TMTC1: variants seen among roughly 807,000 people sequenced by gnomAD.
TMTC1 encodes the protein protein O-mannosyl-transferase TMTC1.
Under a neutral mutation model 104.8 loss-of-function variants are expected in TMTC1, and 73 were observed. That is an observed-to-expected ratio of 0.70 (90% CI 0.58 to 0.85). The LOEUF is 0.85. Ranked by LOEUF, TMTC1 falls within the 40% of genes least tolerant of loss-of-function variation. The pLI, the probability that TMTC1 is intolerant of heterozygous loss-of-function variation, is 0.00. For missense variants in TMTC1, 1,035 were observed against 1,096.1 expected, an observed-to-expected ratio of 0.94 and a Z score of 0.79; for synonymous variants, 434 against 428.7, an observed-to-expected ratio of 1.01 and a Z score of -0.15.
chr12:29,669,112 C>T (rs1940403610), intron 5 of TMTC1, among the ~76,000 whole-genome samples: 1 of 58,696 alleles, frequency 1.7e-5, no homozygotes, highest in Non-Finnish European at 2.8e-5. Flanking sequence ...TGAGGATGCT[C>T]CAAGTGACAA....
chr12:29,542,335 C>G (rs138584139), intron 10 of TMTC1, among the ~76,000 whole-genome samples: 2 of 152,232 alleles, frequency 1.3e-5, no homozygotes, highest in East Asian at 3.9e-4. Context: ...ACTGATGGAA[C>G]TCTTGGGGAT....
intron 5 of TMTC1, among the ~76,000 whole-genome samples, chr12:29,669,139 A>G (rs1190635358): frequency 6.6e-6 from 1 of 152,158 alleles, no homozygotes; most frequent in Non-Finnish European, 1.5e-5. Flanking sequence ...CTGACACCTG[A>G]GGAAGATGAG....
intron 5 of TMTC1, among the ~76,000 whole-genome samples, chr12:29,663,509 G>C (rs1260974162): frequency 6.6e-6 from 1 of 151,872 alleles, no homozygotes; most frequent in East Asian, 1.9e-4. Flanking sequence ...GATATTTTTA[G>C]GTAAATTTTC....
chr12:29,602,021 A>G (rs746051557), intron 7 of TMTC1, among the ~76,000 whole-genome samples: 4 of 151,732 alleles, frequency 2.6e-5, no homozygotes, highest in Non-Finnish European at 5.9e-5. Flanking sequence ...TTTTTAGTAA[A>G]GACGGGGTTT....
rs113933830 is a variant in TMTC1 at position 29,658,979 on chromosome 12, G to C, written c.939-25643C>G. Among the ~76,000 whole-genome samples the C allele has an allele frequency of 6.2e-3, 949 of 152,318 alleles. 13 individuals carry two copies. Among genetic ancestry groups the C allele is most frequent in the African/African-American group, 0.022 (917 of 41,560 alleles). The stretch of plus-strand genomic sequence containing the variant: ...AGTTAAGGACTTAAAATCCTATTCA[G>C]TGAATCAGATCCACTGATCAGCATT... On this transcript the variant is annotated intron_variant, in intron 5 of 17. Transcript: ENST00000539277.
intron 5 of TMTC1, among the ~76,000 whole-genome samples, chr12:29,706,262 G>A (rs547134667): frequency 2.6e-5 from 4 of 152,330 alleles, no homozygotes; most frequent in Non-Finnish European, 5.9e-5. Context: ...TATGCAGGAA[G>A]AGGAAGGTTT....
intron 5 of TMTC1, among the ~76,000 whole-genome samples, chr12:29,714,766 T>C (rs1055068675): frequency 1.3e-5 from 2 of 152,196 alleles, no homozygotes; most frequent in South Asian, 2.1e-4. Context: ...TAGCAAATGC[T>C]GGGCATGATA....
intron 5 of TMTC1, among the ~76,000 whole-genome samples, chr12:29,706,349 C>G (rs1233809431): frequency 1.3e-5 from 2 of 152,152 alleles, no homozygotes; most frequent in Non-Finnish European, 2.9e-5. Context: ...GAGACAAGAG[C>G]AAAAATAATA....
At chr12:29,622,762 G>A (rs1051378193) in intron 6 of TMTC1, among the ~76,000 whole-genome samples, 6 of 152,134 alleles carry the variant, frequency 3.9e-5, no homozygotes, top group African/African-American at 1.4e-4. Flanking sequence ...AAATTCAAAT[G>A]CCTTTCTAGA....
chr12:29,526,531 A>G (rs1944350222), intron 11 of TMTC1, among the ~76,000 whole-genome samples: 1 of 152,178 alleles, frequency 6.6e-6, no homozygotes, highest in Non-Finnish European at 1.5e-5. Context: ...TGCTTGGGTT[A>G]GAAGTTTTAT....
intron 5 of TMTC1, among the ~76,000 whole-genome samples, chr12:29,696,725 G>A (rs148795793): frequency 0.012 from 1,864 of 152,244 alleles, 18 homozygotes; most frequent in Middle Eastern, 0.024. Context: ...AGATACTTAA[G>A]TTTTATTGAA....
At position 29,520,716 on chromosome 12, in the gene TMTC1, C is replaced by A. The variant is rs745880933; in HGVS notation, c.1790G>T (p.Arg597Leu). The A allele has an allele frequency of 2.5e-6, 4 of 1,607,664 alleles. No individual in the cohort carries two copies. Among genetic ancestry groups the A allele is most frequent in the Non-Finnish European group, 3.4e-6 (4 of 1,178,004 alleles). The change falls in exon 12 of 18, where the codon CGG (arginine) becomes CTG (leucine). Residue 597 changes from arginine (R) to leucine (L), a missense_variant. By Grantham distance (102) the Arg-to-Leu change is moderately radical. Transcript: ENST00000539277. ...SLASLLAEQE[R>L]FKEAEEIYQT... ...GTATATTTCTTCAGCTTCTTTAAAC[C>A]GCTCCTTTAAAAAGAAAGAAACAAA...
At chr12:29,745,929 T>C (rs989891586) in intron 5 of TMTC1, among the ~76,000 whole-genome samples, 3 of 152,134 alleles carry the variant, frequency 2.0e-5, no homozygotes, top group African/African-American at 7.2e-5. Context: ...AAGACTTAAC[T>C]ATGCATGCCA....
At chr12:29,741,133 A>G (rs929694241) in intron 5 of TMTC1, among the ~76,000 whole-genome samples, 1 of 152,258 alleles carries the variant, frequency 6.6e-6, no homozygotes, top group African/African-American at 2.4e-5. Context: ...AAATACATAA[A>G]ACACAAAACT....
At chr12:29,662,001 A>G (rs1940050509) in intron 5 of TMTC1, among the ~76,000 whole-genome samples, 1 of 152,196 alleles carries the variant, frequency 6.6e-6, no homozygotes, top group South Asian at 2.1e-4. Flanking sequence ...AAAGGGAATC[A>G]AGAGACGGTA....
At chr12:29,516,582 A>C in intron 14 of TMTC1, 96 bp from the exon 15 acceptor site, 1 of 1,378,016 alleles carries the variant, frequency 7.3e-7, no homozygotes, top group South Asian at 1.7e-5. Context: ...ACTCCTGACA[A>C]ACATGCTCAG....
At chr12:29,681,158 G>A (rs1215757497) in intron 5 of TMTC1, among the ~76,000 whole-genome samples, 1 of 149,126 alleles carries the variant, frequency 6.7e-6, no homozygotes, top group African/African-American at 2.5e-5. Flanking sequence ...TATAAAGCAT[G>A]ACAACTGAAG....
intron 5 of TMTC1, chr12:29,641,382 T>C (rs1938843552): frequency 6.6e-6 from 1 of 152,348 alleles, no homozygotes; most frequent in African/African-American, 2.4e-5. Flanking sequence ...CTAGTATCCA[T>C]GGCTGAGAGA....
chr12:29,604,249 C>T lies in TMTC1; in HGVS notation c.1179G>A (p.Pro393=), dbSNP rs372059579. Residue 393 remains proline (P), a synonymous_variant, in exon 7 of 18, where the codon CCG becomes CCA. Coordinates refer to ENST00000539277, the MANE Select transcript of TMTC1 (RefSeq NM_001193451.2). ...VLVGLLFLVF[P]FIPASNLFFR... ...AGAAGAGGTTGCTGGCTGGAATGAA[C>T]GGGAACACCAGGAACAACAAGCCGA... The T allele has an allele frequency of 2.0e-5, 32 of 1,613,778 alleles. No homozygotes were observed. Among genetic ancestry groups the T allele is most frequent in the South Asian group, 8.8e-5 (8 of 91,088 alleles).
Sources: gnomAD v4.1 joint callset for allele counts (sites outside exome capture counted in the v4.1 genomes callset) on GRCh38, gnomAD v4.1.1 for gene constraint, MANE v1.5 for transcripts, NCBI Gene and HGNC (gene_info 2026-07-23, HGNC 2026-07-21) for gene names.